Variants in ITGAM observed in about 807,000 individuals in gnomAD.
ITGAM encodes the protein integrin subunit alpha M.
A neutral mutation model predicts 137.5 loss-of-function variants in ITGAM; 79 were observed. That is an observed-to-expected ratio of 0.57 (90% CI 0.48 to 0.69). The LOEUF (loss-of-function observed/expected upper bound fraction) is 0.69. Among genes scored for constraint, ITGAM ranks in the 30% least tolerant of loss-of-function variants. The pLI, the probability that ITGAM is intolerant of heterozygous loss-of-function variation, is 0.00. For synonymous variants in ITGAM, 583 were observed against 592.3 expected (o/e 0.98, Z 0.23); for missense variants, 1,343 against 1,483.5 (o/e 0.91, Z 1.56).
At chr16:31,273,333 A>C in intron 7 of ITGAM, 32 bp from the exon 8 acceptor site, 1 of 1,580,880 alleles carries the variant, frequency 6.3e-7, no homozygotes, top group Non-Finnish European at 8.6e-7. Context: ...ATCTACTTGC[A>C]TTTGACTTTG....
chr16:31,272,099 C>T, intron 7 of ITGAM, 107 bp downstream of exon 7: 1 of 1,351,748 alleles, frequency 7.4e-7, no homozygotes, highest in Non-Finnish European at 1.0e-6. Flanking sequence ...GGATGCTTCC[C>T]CACCGGCAGA....
chr16:31,329,848 G>T lies in ITGAM; in HGVS notation c.2919G>T (p.Val973=). The T allele has an allele frequency of 6.4e-7, 1 of 1,564,432 alleles. No homozygotes were observed. Among genetic ancestry groups the T allele is most frequent in the Non-Finnish European group, 8.7e-7 (1 of 1,154,440 alleles). ...RSLPISLVFL[V]PVRLNQTVIW... is the part of the protein sequence containing the mutation. ...TCCCCATCAGCCTGGTGTTCTTGGT[G>T]CCCGTCCGGCTGAACCAGACTGTCA... is the stretch of plus-strand genomic sequence containing the variant. The change falls in exon 25 of 30, where the codon GTG becomes GTT. Residue 973 remains valine (V), a synonymous_variant. Coordinates refer to ENST00000544665, the MANE Select transcript of ITGAM (RefSeq NM_000632.4).
At position 31,273,360 on chromosome 16, in the gene ITGAM, C is replaced by T. The variant is rs367581311; in HGVS notation, c.705-5C>T. 2 of 1,611,910 alleles carry T rather than the reference C, an allele frequency of 1.2e-6. No homozygotes were observed. The highest frequency in any genetic ancestry group is 2.7e-5 in the African/African-American group (2 of 74,710). On this transcript the variant is annotated splice_region_variant and splice_polypyrimidine_tract_variant and intron_variant, in intron 7 of 29. Coordinates refer to ENST00000544665, the MANE Select transcript of ITGAM (RefSeq NM_000632.4). ...TTGACTTTGTCCCTCCTGTTTCCTG[C>T]ACAGACGAGAGCTGTTTAACATCAC...
chr16:31,269,106 GC>G (rs2079801498), intron 5 of ITGAM, among the ~76,000 whole-genome samples: 1 of 152,166 alleles, frequency 6.6e-6, no homozygotes, highest in Admixed American at 6.5e-5. Context: ...AGCTGGGAGT[GC>G]TGATTGATCA....
In ITGAM at chr16:31,331,166, C is replaced by G. The variant is rs747745143; in HGVS notation, c.3278C>G (p.Thr1093Arg). 2 of 1,592,226 alleles carry G rather than the reference C, an allele frequency of 1.3e-6. No individual in the cohort carries two copies. The highest frequency in any genetic ancestry group is 1.7e-6 in the Non-Finnish European group (2 of 1,161,354). Residue 1093 changes from threonine (T) to arginine (R), a missense_variant and splice_region_variant, in exon 29 of 30, where the codon ACG (threonine) becomes AGG (arginine). Coordinates refer to ENST00000544665, the MANE Select transcript of ITGAM (RefSeq NM_000632.4). ...PGQGAFVRSQ[T>R]ETKVEPFEVP... ...TGACGCCCCTCCTTCCTCCCCCAGA[C>G]GGAGACCAAAGTGGAGCCGTTCGAG... is the stretch of plus-strand genomic sequence containing the variant.
intron 14 of ITGAM, among the ~76,000 whole-genome samples, chr16:31,302,395 CTTTTCTTTTCTTT>C (rs752252291): frequency 1.8e-4 from 26 of 142,054 alleles, no homozygotes; most frequent in African/African-American, 4.0e-4. Context: ...TTTCTTTTTT[CTTTTCTTTTCTTT>C]TTTCTTTCTT....
intron 12 of ITGAM, among the ~76,000 whole-genome samples, chr16:31,289,772 G>A (rs1169436808): frequency 6.6e-6 from 1 of 152,034 alleles, no homozygotes; most frequent in African/African-American, 2.4e-5. Flanking sequence ...ATAAATTTCC[G>A]ATTGTTTAGG....
rs998852818 is a variant in ITGAM at position 31,310,256 on chromosome 16, G to A, written c.1708-10985G>A. Among the ~76,000 whole-genome samples the A allele has an allele frequency of 4.0e-4, 61 of 152,194 alleles. No homozygotes were observed. The Middle Eastern group carries it at 0.01, about 25-fold the overall frequency. ...AATGTTGGCCTGCCTTGCTAGATTG[G>A]GGAAGTTCTCCTGGATAATATCCTG... On this transcript the variant is annotated intron_variant, in intron 14 of 29. Transcript: ENST00000544665.
chr16:31,271,988 G>C lies in ITGAM; in HGVS notation c.700G>C (p.Val234Leu). 1 of 1,614,024 alleles carries C rather than the reference G, an allele frequency of 6.2e-7. No homozygotes were observed. The highest frequency in any genetic ancestry group is 8.5e-7 in the Non-Finnish European group (1 of 1,179,900). ...RTHTATGIRK[V>L]VRELFNITNG... is the part of the protein sequence containing the mutation. ...ACACACGGCCACGGGCATCCGCAAA[G>C]TGGTGTAAGCTTCCCCTTTTCCCTT... The change falls in exon 7 of 30, where the codon GTG (valine) becomes CTG (leucine). Residue 234 changes from valine to leucine, a missense_variant. Val to Leu is a conservative substitution (Grantham distance 32). Coordinates refer to ENST00000544665, the MANE Select transcript of ITGAM (RefSeq NM_000632.4).
intron 5 of ITGAM, among the ~76,000 whole-genome samples, 189 bp from the exon 6 acceptor site, chr16:31,270,763 CAT>C (rs200435827): frequency 0.042 from 2,889 of 68,618 alleles, 221 homozygotes; most frequent in African/African-American, 0.14. Context: ...CGTGTGTATA[CAT>C]ATATATATAT....
chr16:31,266,530 G>A (rs1047334056), intron 5 of ITGAM, among the ~76,000 whole-genome samples: 5 of 151,270 alleles, frequency 3.3e-5, no homozygotes, highest in Admixed American at 3.3e-4. Context: ...AGGCAAGCCT[G>A]GGCAACATAG....
chr16:31,325,182 T>G (rs1185200144), intron 19 of ITGAM, 81 bp from the exon 20 acceptor site: 30 of 1,528,798 alleles, frequency 2.0e-5, no homozygotes, highest in Non-Finnish European at 2.6e-5. Context: ...ATCAAGTGTC[T>G]GCGTCTCTGT....
At chr16:31,318,100 T>A (rs1361949843) in intron 14 of ITGAM, among the ~76,000 whole-genome samples, 1 of 152,206 alleles carries the variant, frequency 6.6e-6, no homozygotes, top group Non-Finnish European at 1.5e-5. Context: ...CCTTACTCAT[T>A]ATAGATCTGT....
intron 16 of ITGAM, among the ~76,000 whole-genome samples, chr16:31,323,008 G>A (rs1393386717): frequency 6.6e-6 from 1 of 151,924 alleles, no homozygotes; most frequent in Non-Finnish European, 1.5e-5. Context: ...ACATGTAATT[G>A]GAATTACAGA....
In ITGAM at chr16:31,260,097, A is replaced by G. The variant is rs532911035; in HGVS notation, c.28+5A>G. 2 of 521,920 alleles carry G rather than the reference A, an allele frequency of 3.8e-6. No homozygotes were observed. Among genetic ancestry groups the G allele is most frequent in the Admixed American group, 2.6e-5 (1 of 39,078 alleles). 32.3% of individuals were successfully genotyped at this position (521,920 alleles called of 1,614,324 possible). On this transcript the variant is annotated splice_donor_5th_base_variant and intron_variant, in intron 1 of 29. Coordinates refer to ENST00000544665, the MANE Select transcript of ITGAM (RefSeq NM_000632.4). ...TCAGAGTCCTTCTGTTAACAGGTGC[A>G]TGGGGGTGGGGTGGGGGACTCTGGG...
chr16:31,329,657 A>C, intron 24 of ITGAM, 141 bp from the exon 25 acceptor site: 4 of 664,500 alleles, frequency 6.0e-6, no homozygotes, highest in Non-Finnish European at 7.8e-6. Flanking sequence ...TGGAATGCGT[A>C]TTACATGTAC....
chr16:31,278,489 C>T (rs2079934067), intron 12 of ITGAM, among the ~76,000 whole-genome samples: 1 of 152,162 alleles, frequency 6.6e-6, no homozygotes, highest in African/African-American at 2.4e-5. Flanking sequence ...TGGGCTTCCC[C>T]ATGATCCAGC....
chr16:31,277,903 G>A, intron 11 of ITGAM, 64 bp from the exon 12 acceptor site: 1 of 1,513,064 alleles, frequency 6.6e-7, no homozygotes, highest in Non-Finnish European at 8.9e-7. Context: ...TACTCAAGGG[G>A]TGGGTCTGCA....
intron 12 of ITGAM, among the ~76,000 whole-genome samples, chr16:31,281,125 T>A (rs553653087): frequency 1.3e-5 from 2 of 152,212 alleles, no homozygotes; most frequent in Non-Finnish European, 2.9e-5. Context: ...TTTGTCAGTA[T>A]TTTATTGAGG....
Sources: gnomAD v4.1 joint callset for allele counts (sites outside exome capture counted in the v4.1 genomes callset) on GRCh38, gnomAD v4.1.1 for gene constraint, MANE v1.5 for transcripts, NCBI Gene and HGNC (gene_info 2026-07-23, HGNC 2026-07-21) for gene names.